Variants in SLC8A3 observed in about 807,000 individuals in gnomAD.
SLC8A3 encodes the protein sodium/calcium exchanger 3.
SLC8A3 carries 37 observed loss-of-function variants against 65.4 expected under a neutral mutation model. The observed-to-expected ratio is 0.57, with a 90% CI of 0.44 to 0.74. The LOEUF is 0.74. Ranked by LOEUF, SLC8A3 falls within the 30% of genes least tolerant of loss-of-function variation. SLC8A3 has a pLI of 0.00. For synonymous variants in SLC8A3, 461 were observed against 444.5 expected (o/e 1.04, Z -0.47); for missense variants, 1,112 against 1,172.1 (o/e 0.95, Z 0.75).
At chr14:70,140,753 C>G (rs957080030) in intron 2 of SLC8A3, among the ~76,000 whole-genome samples, 1 of 152,210 alleles carries the variant, frequency 6.6e-6, no homozygotes, top group Admixed American at 6.5e-5. Flanking sequence ...TCAAGCTGCA[C>G]GCTTCTCCTT....
At chr14:70,157,512 A>G (rs1373521989) in intron 2 of SLC8A3, among the ~76,000 whole-genome samples, 1 of 152,184 alleles carries the variant, frequency 6.6e-6, no homozygotes. Context: ...AGAAGAATAG[A>G]AAGAGCTTTG....
Position 70,045,974 on chromosome 14 carries a change from C to T in SLC8A3, c.2739G>A (p.Glu913=), listed in dbSNP as rs1886719196. The change falls in exon 7 of 7, where the codon GAG becomes GAA. Residue 913 remains glutamate, a synonymous_variant. Coordinates refer to ENST00000356921, the MANE Select transcript of SLC8A3 (RefSeq NM_182932.3). ...WLLYILFATL[E]AYCYIKGF ...AGAACCCCTTGATGTAGCAATAGGC[C>T]TCTAGTGTGGCAAAGAGTATGTAGA... 6.2e-7 allele frequency: 1 copy of T among 1,604,016 alleles called. No homozygotes were observed.
At chr14:70,061,542 G>C (rs1025330100) in intron 2 of SLC8A3, among the ~76,000 whole-genome samples, 1 of 149,154 alleles carries the variant, frequency 6.7e-6, no homozygotes, top group Non-Finnish European at 1.5e-5. Context: ...AAGAGAGAGA[G>C]AGAGAGAGAG....
rs1897316479 is a variant in SLC8A3, at chr14:70,168,538, C to CGGTG, written c.-62-55_-62-54insCACC. 8.1e-6 allele frequency: 6 copies of CGGTG among 740,240 alleles called. No homozygotes were observed. The East Asian group carries it at 1.4e-4, about 17-fold the overall frequency. The allele number at this position is 740,240 out of a possible 1,614,324, so 45.9% of individuals were successfully genotyped here. ...GCATGAGGAAAAAGGGGACAGCAAACGGCAGGTTCCCACCAATACAACTGA... is the reference window on the plus strand; with the variant it reads ...GCATGAGGAAAAAGGGGACAGCAAACGGTGGGCAGGTTCCCACCAATACAACTGA... On this transcript the variant is annotated intron_variant, in intron 1 of 6. Transcript: ENST00000356921.
At chr14:70,121,432 C>A (rs766819772) in intron 2 of SLC8A3, among the ~76,000 whole-genome samples, 1 of 152,222 alleles carries the variant, frequency 6.6e-6, no homozygotes, top group Non-Finnish European at 1.5e-5. Context: ...GCTACAGATT[C>A]TGATATGTCT....
intron 2 of SLC8A3, among the ~76,000 whole-genome samples, chr14:70,150,166 C>T (rs1014240655): frequency 1.3e-5 from 2 of 152,148 alleles, no homozygotes; most frequent in African/African-American, 2.4e-5. Flanking sequence ...ACATCATACC[C>T]CTGGTGAGGA....
At chr14:70,078,457 T>A (rs1890735627) in intron 2 of SLC8A3, among the ~76,000 whole-genome samples, 1 of 152,342 alleles carries the variant, frequency 6.6e-6, no homozygotes, top group African/African-American at 2.4e-5. Flanking sequence ...TATCTGATTC[T>A]CACTTAGTCA....
At chr14:70,175,727 T>A (rs1451930686) in intron 1 of SLC8A3, among the ~76,000 whole-genome samples, 3 of 82,366 alleles carry the variant, frequency 3.6e-5, no homozygotes, top group East Asian at 1.1e-3. Flanking sequence ...ATAGGGAAGC[T>A]TTTTTTTTTC....
intron 2 of SLC8A3, among the ~76,000 whole-genome samples, chr14:70,109,919 T>C (rs527532217): frequency 7.2e-5 from 11 of 152,364 alleles, no homozygotes; most frequent in African/African-American, 2.2e-4. Context: ...CTCTGCATAT[T>C]ATAAAGTTGT....
At chr14:70,146,578 GC>G (rs1357606548) in intron 2 of SLC8A3, among the ~76,000 whole-genome samples, 80 of 152,206 alleles carry the variant, frequency 5.3e-4, no homozygotes, top group African/African-American at 1.8e-3. Context: ...AAATAACCCT[GC>G]CTGGTATTTA....
chr14:70,124,864 G>A (rs1211570475), intron 2 of SLC8A3, among the ~76,000 whole-genome samples: 1 of 152,222 alleles, frequency 6.6e-6, no homozygotes, highest in Non-Finnish European at 1.5e-5. Flanking sequence ...GAAAAAGGGT[G>A]CCAAAATGAA....
chr14:70,154,362 AG>A (rs1896450190), intron 2 of SLC8A3, among the ~76,000 whole-genome samples: 1 of 152,240 alleles, frequency 6.6e-6, no homozygotes, highest in African/African-American at 2.4e-5. Flanking sequence ...GTAAAGTAAA[AG>A]ATTAAAAGTT....
intron 2 of SLC8A3, among the ~76,000 whole-genome samples, chr14:70,108,539 T>C (rs896108683): frequency 6.6e-6 from 1 of 152,196 alleles, no homozygotes; most frequent in Non-Finnish European, 1.5e-5. Flanking sequence ...CTCAGGTACT[T>C]CTACAGATGG....
intron 2 of SLC8A3, among the ~76,000 whole-genome samples, chr14:70,123,876 GTTAA>G (rs1235080384): frequency 6.6e-6 from 1 of 152,192 alleles, no homozygotes. Context: ...ATCCTCAAAT[GTTAA>G]TTATCTTTTC....
chr14:70,079,751 T>C lies in SLC8A3; in HGVS notation c.1785-18812A>G, dbSNP rs182464538. 1.9e-3 allele frequency among the ~76,000 whole-genome samples: 282 copies of C among 152,310 alleles called. 1 individual carries two copies. The highest frequency in any genetic ancestry group is 3.2e-3 in the Non-Finnish European group (217 of 68,030). ...TGCTGCTTAGATAGAAGCCTTATAT[T>C]TGGCCCAGTCTCTTCCAATAATTTA... On this transcript the variant is annotated intron_variant, in intron 2 of 6. Coordinates refer to ENST00000356921, the MANE Select transcript of SLC8A3 (RefSeq NM_182932.3).
intron 1 of SLC8A3, among the ~76,000 whole-genome samples, chr14:70,187,484 C>CT (rs1168160332): frequency 6.6e-6 from 1 of 152,078 alleles, no homozygotes; most frequent in East Asian, 1.9e-4. Flanking sequence ...CGAAGAACTG[C>CT]TTTTTTCCCC....
intron 1 of SLC8A3, among the ~76,000 whole-genome samples, chr14:70,179,893 C>T (rs991007681): frequency 3.3e-5 from 5 of 152,134 alleles, no homozygotes; most frequent in African/African-American, 1.2e-4. Context: ...GTTGCTATGC[C>T]AATAAATAAT....
At chr14:70,117,022 G>A (rs1197483541) in intron 2 of SLC8A3, among the ~76,000 whole-genome samples, 1 of 152,204 alleles carries the variant, frequency 6.6e-6, no homozygotes, top group Non-Finnish European at 1.5e-5. Context: ...CAGACACATA[G>A]CTTGATTTTT....
chr14:70,054,731 A>G (rs1419028443), intron 3 of SLC8A3, among the ~76,000 whole-genome samples: 1 of 152,172 alleles, frequency 6.6e-6, no homozygotes, highest in East Asian at 1.9e-4. Flanking sequence ...TCCACAAAAG[A>G]AAAATGTAGG....
Sources: gnomAD v4.1 joint callset for allele counts (sites outside exome capture counted in the v4.1 genomes callset) on GRCh38, gnomAD v4.1.1 for gene constraint, MANE v1.5 for transcripts, NCBI Gene and HGNC (gene_info 2026-07-23, HGNC 2026-07-21) for gene names.